Variants in PPFIA2 observed in about 807,000 individuals in gnomAD.
PPFIA2 encodes the protein PPFI scaffold protein A2, also known as liprin-alpha-2.
In PPFIA2, 46 loss-of-function variants were observed where a neutral mutation model predicts 175.5. The ratio of observed to expected loss-of-function variants is 0.26; its 90% CI spans 0.21 to 0.34. The LOEUF is 0.34. Among genes scored for constraint, PPFIA2 ranks in the 10% least tolerant of loss-of-function variants. The pLI is 1.00. For missense variants in PPFIA2, 1,179 were observed against 1,506.1 expected (o/e 0.78, Z 3.60); for synonymous variants, 568 against 511.4 (o/e 1.11, Z -1.49).
chr12:81,734,326 T>C (rs1313317956), intron 3 of PPFIA2, among the ~76,000 whole-genome samples: 1 of 151,804 alleles, frequency 6.6e-6, no homozygotes. Flanking sequence ...GAGATTACAT[T>C]GCATTTGCAG....
intron 3 of PPFIA2, among the ~76,000 whole-genome samples, chr12:81,729,187 T>C (rs1179274404): frequency 3.3e-5 from 5 of 151,532 alleles, no homozygotes; most frequent in Non-Finnish European, 5.9e-5. Context: ...CAAATAGTGT[T>C]ATATCTACAT....
chr12:81,495,958 G>C (rs1182330887), intron 4 of PPFIA2, among the ~76,000 whole-genome samples: 1 of 152,070 alleles, frequency 6.6e-6, no homozygotes. Flanking sequence ...TGAAAGACAG[G>C]AAGTAAATTT....
chr12:81,531,843 G>A (rs1461257520), intron 4 of PPFIA2, among the ~76,000 whole-genome samples: 2 of 151,696 alleles, frequency 1.3e-5, no homozygotes, highest in African/African-American at 4.8e-5. Flanking sequence ...TAATAATAAT[G>A]GTACTGGTAA....
chr12:81,702,810 T>C (rs1212071381), intron 3 of PPFIA2, among the ~76,000 whole-genome samples: 1 of 152,122 alleles, frequency 6.6e-6, no homozygotes, highest in East Asian at 1.9e-4. Context: ...ATTATGAGGG[T>C]GAAGCCCCTA....
intron 22 of PPFIA2, chr12:81,312,278 T>C (rs1206932648): frequency 8.3e-6 from 9 of 1,078,944 alleles, no homozygotes; most frequent in South Asian, 2.8e-5. Context: ...TTATTTAAGA[T>C]GTGAGAAAGC....
intron 28 of PPFIA2, among the ~76,000 whole-genome samples, chr12:81,272,948 A>G (rs1245002046): frequency 6.6e-6 from 1 of 152,224 alleles, no homozygotes; most frequent in Non-Finnish European, 1.5e-5. Context: ...AACCTCAAAT[A>G]TACATAATAA....
intron 4 of PPFIA2, among the ~76,000 whole-genome samples, chr12:81,566,548 A>AAAAAAG (rs2071354604): frequency 6.6e-6 from 1 of 150,964 alleles, no homozygotes. Flanking sequence ...AAAAAAAAAA[A>AAAAAAG]AAAAGAAAAG....
At chr12:81,484,946 C>A (rs985532117) in intron 4 of PPFIA2, among the ~76,000 whole-genome samples, 51 of 151,544 alleles carry the variant, frequency 3.4e-4, no homozygotes, top group African/African-American at 1.1e-3. Context: ...ATAAAATTAA[C>A]AATATAATAT....
At chr12:81,334,131 T>C (rs2056672937) in intron 21 of PPFIA2, among the ~76,000 whole-genome samples, 1 of 152,202 alleles carries the variant, frequency 6.6e-6, no homozygotes, top group Non-Finnish European at 1.5e-5. Context: ...AATAGATTAA[T>C]GCCTTCAGAT....
intron 21 of PPFIA2, among the ~76,000 whole-genome samples, chr12:81,332,310 C>A (rs962639119): frequency 6.6e-6 from 1 of 152,104 alleles, no homozygotes; most frequent in Non-Finnish European, 1.5e-5. Context: ...TCTGACCCAG[C>A]CAGTACCCAC....
chr12:81,264,125 G>A (rs1441810777), intron 30 of PPFIA2, among the ~76,000 whole-genome samples: 1 of 152,066 alleles, frequency 6.6e-6, no homozygotes, highest in Non-Finnish European at 1.5e-5. Flanking sequence ...TGGCCCAGTA[G>A]ACTTTTTCTC....
chr12:81,461,422 C>A (rs2054521008), intron 4 of PPFIA2, among the ~76,000 whole-genome samples: 1 of 152,140 alleles, frequency 6.6e-6, no homozygotes, highest in Non-Finnish European at 1.5e-5. Flanking sequence ...TATCATCCGT[C>A]TAACTATCCA....
intron 8 of PPFIA2, among the ~76,000 whole-genome samples, chr12:81,394,077 T>G (rs144892450): frequency 6.6e-6 from 1 of 152,074 alleles, no homozygotes; most frequent in Non-Finnish European, 1.5e-5. Flanking sequence ...GCAATAGCAG[T>G]TTTTTAAAAA....
chr12:81,346,295 G>C (rs2059058538), intron 18 of PPFIA2, among the ~76,000 whole-genome samples: 1 of 151,772 alleles, frequency 6.6e-6, no homozygotes, highest in Non-Finnish European at 1.5e-5. Flanking sequence ...GAAAAATCCA[G>C]CTCCATTTAT....
At chr12:81,562,846 CAAAAAAA>C (rs11475809) in intron 4 of PPFIA2, among the ~76,000 whole-genome samples, 63 of 29,572 alleles carry the variant, frequency 2.1e-3, no homozygotes, top group African/African-American at 7.7e-3. Flanking sequence ...GACTCTGTCT[CAAAAAAA>C]AAAAAAAAAA....
intron 4 of PPFIA2, among the ~76,000 whole-genome samples, chr12:81,578,629 T>C (rs1180768624): frequency 6.6e-6 from 1 of 151,894 alleles, no homozygotes; most frequent in Admixed American, 6.6e-5. Flanking sequence ...TTCTAATCTT[T>C]ATAAAATTTC....
chr12:81,378,204 CAGTG>C (rs1407530412), intron 9 of PPFIA2: 1 of 151,978 alleles, frequency 6.6e-6, no homozygotes, highest in Admixed American at 6.6e-5. Flanking sequence ...GCCTCCAAAA[CAGTG>C]AGTGACTAAA....
intron 22 of PPFIA2, among the ~76,000 whole-genome samples, chr12:81,319,586 C>T (rs1053065953): frequency 7.2e-5 from 11 of 151,812 alleles, no homozygotes; most frequent in Non-Finnish European, 1.3e-4. Flanking sequence ...AATTTTCCTG[C>T]AGTAATTGTG....
At chr12:81,634,824 T>G (rs2063802386) in intron 4 of PPFIA2, among the ~76,000 whole-genome samples, 1 of 152,032 alleles carries the variant, frequency 6.6e-6, no homozygotes, top group Non-Finnish European at 1.5e-5. Flanking sequence ...TCTTTTCTGG[T>G]GTTCCAAATT....
Sources: allele counts gnomAD v4.1 joint callset (sites outside exome capture counted in the v4.1 genomes callset), GRCh38; gene constraint gnomAD v4.1.1; transcripts MANE v1.5; gene names NCBI Gene and HGNC (gene_info 2026-07-23, HGNC 2026-07-21).